Variants in PAPOLG observed in about 807,000 individuals in gnomAD.
PAPOLG encodes poly(A) polymerase gamma, also known as PAP-gamma.
A neutral mutation model predicts 99.0 loss-of-function variants in PAPOLG; 40 were observed. That is an observed-to-expected ratio of 0.40 (90% CI 0.31 to 0.53). The LOEUF (loss-of-function observed/expected upper bound fraction) is 0.53, where lower values mean the gene tolerates loss of function less well. Among genes scored for constraint, PAPOLG ranks in the 20% least tolerant of loss-of-function variants. The pLI, the probability that PAPOLG is intolerant of heterozygous loss-of-function variation, is 0.41. For synonymous variants in PAPOLG, 310 were observed against 299.3 expected, an observed-to-expected ratio of 1.04 and a Z score of -0.37; for missense variants, 675 against 884.1, an observed-to-expected ratio of 0.76 and a Z score of 3.00.
At position 60,780,751 on chromosome 2, in the gene PAPOLG, A is replaced by G; in HGVS notation, c.878A>G (p.Asn293Ser). 1 of 1,614,052 alleles carries G rather than the reference A, an allele frequency of 6.2e-7. No individual in the cohort carries two copies. Among genetic ancestry groups the G allele is most frequent in the Non-Finnish European group, 8.5e-7 (1 of 1,179,898 alleles). The change falls in exon 10 of 22, where the codon AAT (asparagine) becomes AGT (serine). Residue 293 changes from asparagine to serine, a missense_variant. By Grantham distance (46) the Asn-to-Ser change is conservative. Transcript: ENST00000238714. Reference sequence around the variant, plus strand: ...CTGCTGAAGCAACCAGAAGAAAGCAATTTGAATTTGCCTGTCTGGGATCCT... The same window carrying G: ...CTGCTGAAGCAACCAGAAGAAAGCAGTTTGAATTTGCCTGTCTGGGATCCT... ...PVLLKQPEES[N>S]LNLPVWDPRV...
At chr2:60,777,268 C>G (rs558368325) in intron 8 of PAPOLG, among the ~76,000 whole-genome samples, 6 of 152,154 alleles carry the variant, frequency 3.9e-5, no homozygotes, top group African/African-American at 1.2e-4. Flanking sequence ...TCAGCCTGAC[C>G]AACATAGTGA....
At chr2:60,791,100 A>G (rs1671517983) in intron 15 of PAPOLG, among the ~76,000 whole-genome samples, 1 of 152,058 alleles carries the variant, frequency 6.6e-6, no homozygotes, top group Non-Finnish European at 1.5e-5. Flanking sequence ...AAAAAAAAAA[A>G]GAATTAGCTT....
chr2:60,794,684 A>G, intron 19 of PAPOLG, 26 bp from the exon 20 acceptor site: 7 of 1,591,416 alleles, frequency 4.4e-6, no homozygotes, highest in Non-Finnish European at 6.0e-6. Context: ...ACATAATAGC[A>G]ATCTATTTCA....
rs923142252 is a variant in PAPOLG, at chr2:60,799,957, A to G, written c.*2797A>G. On this transcript the variant is annotated 3_prime_UTR_variant, in exon 22 of 22. Coordinates refer to ENST00000238714, the MANE Select transcript of PAPOLG (RefSeq NM_022894.4). ...TTTTCAAGTGTGAAAAAATACCTAG[A>G]AGTATATTTTATGAAGTCAAATAAT... 2.0e-5 allele frequency: 3 copies of G among 152,226 alleles called. No individual in the cohort carries two copies. The highest frequency in any genetic ancestry group is 2.9e-5 in the Non-Finnish European group (2 of 68,010). The allele number at this position is 152,226 out of a possible 1,614,324, so 9.4% of individuals were successfully genotyped here. A position where few individuals can be genotyped will look rare whatever the true frequency, so the allele number is the denominator to read the frequency against.
intron 8 of PAPOLG, among the ~76,000 whole-genome samples, chr2:60,777,600 G>T (rs986611081): frequency 6.6e-6 from 1 of 152,178 alleles, no homozygotes; most frequent in Non-Finnish European, 1.5e-5. Context: ...GGCACAAGGG[G>T]CATAGCTTTC....
In PAPOLG at chr2:60,793,621, C is replaced by A. The variant is rs763179625; in HGVS notation, c.1680-6C>A. 2 of 1,612,716 alleles carry A rather than the reference C, an allele frequency of 1.2e-6. No homozygotes were observed. Among genetic ancestry groups the A allele is most frequent in the African/African-American group, 1.3e-5 (1 of 74,862 alleles). On this transcript the variant is annotated splice_polypyrimidine_tract_variant and splice_region_variant and intron_variant, in intron 17 of 21. Coordinates refer to ENST00000238714, the MANE Select transcript of PAPOLG (RefSeq NM_022894.4). ...TTTATTGATGATAATTTAACACTTT[C>A]ATTAGGAATAGTGCTGAGCCTGCTG...
At chr2:60,768,604 A>G (rs927953575) in intron 4 of PAPOLG, 53 bp downstream of exon 4, 3 of 1,452,422 alleles carry the variant, frequency 2.1e-6, no homozygotes, top group African/African-American at 2.9e-5. Context: ...CAAACTCTTC[A>G]TAATTAGAAA....
rs79657836 is a variant in PAPOLG at position 60,756,717 on chromosome 2, T to A, written c.17+222T>A. Among the ~76,000 whole-genome samples the A allele has an allele frequency of 8.7e-4, 132 of 152,210 alleles. 1 individual carries two copies. In the East Asian group the frequency reaches 0.021, roughly 25 times the overall value. ...CTCGGGGACTCCGGGAGTCCCCAGCTGTCCCGCCTCCGAGGACGCCCTCAG... is the reference window on the plus strand; with the variant it reads ...CTCGGGGACTCCGGGAGTCCCCAGCAGTCCCGCCTCCGAGGACGCCCTCAG... On this transcript the variant is annotated intron_variant, in intron 1 of 21. Coordinates refer to ENST00000238714, the MANE Select transcript of PAPOLG (RefSeq NM_022894.4).
chr2:60,794,661 G>T, intron 19 of PAPOLG, 49 bp from the exon 20 acceptor site: 1 of 1,480,146 alleles, frequency 6.8e-7, no homozygotes, highest in Non-Finnish European at 9.4e-7. Flanking sequence ...GATTTATATG[G>T]GTTTTTGTAG....
intron 1 of PAPOLG, among the ~76,000 whole-genome samples, chr2:60,757,944 G>A (rs1298547977): frequency 6.6e-6 from 1 of 152,172 alleles, no homozygotes; most frequent in African/African-American, 2.4e-5. Flanking sequence ...AGTGAGGCCC[G>A]TCATCATGGT....
At chr2:60,758,693 T>G (rs1489313873) in intron 1 of PAPOLG, among the ~76,000 whole-genome samples, 1 of 152,084 alleles carries the variant, frequency 6.6e-6, no homozygotes, top group Non-Finnish European at 1.5e-5. Context: ...CCTCCCAGAG[T>G]ACTGGGATTA....
intron 1 of PAPOLG, among the ~76,000 whole-genome samples, chr2:60,759,373 A>G (rs530398657): frequency 1.2e-4 from 18 of 152,112 alleles, no homozygotes; most frequent in African/African-American, 4.1e-4. Flanking sequence ...ATCTCAAAAA[A>G]AAAAAGAAAA....
At chr2:60,794,361 A>G (rs1573259739) in intron 19 of PAPOLG, 170 bp downstream of exon 19, 1 of 716,264 alleles carries the variant, frequency 1.4e-6, no homozygotes, top group East Asian at 2.8e-5. Flanking sequence ...GAAATTACTA[A>G]TACGTCTGAA....
rs147765225 is a variant in PAPOLG, at chr2:60,794,089, G to T, written c.1887G>T (p.Pro629=). Residue 629 remains proline (P), a synonymous_variant, in exon 19 of 22, where the codon CCG becomes CCT. Coordinates refer to ENST00000238714, the MANE Select transcript of PAPOLG (RefSeq NM_022894.4). Reference sequence around the variant, plus strand: ...CTCACAACCCTGCCCAGGGACAACCGCATCTGAATGGAATGTCAAATATAA... The same window carrying T: ...CTCACAACCCTGCCCAGGGACAACCTCATCTGAATGGAATGTCAAATATAA... The part of the protein sequence containing the change: ...TTPHNPAQGQ[P]HLNGMSNITK... The T allele has an allele frequency of 6.9e-3, 11,101 of 1,614,030 alleles. 53 individuals are homozygous for T. Among genetic ancestry groups the T allele is most frequent in the Non-Finnish European group, 8.0e-3 (9,471 of 1,179,962 alleles).
At chr2:60,777,757 T>C (rs1664298740) in intron 8 of PAPOLG, among the ~76,000 whole-genome samples, 1 of 152,176 alleles carries the variant, frequency 6.6e-6, no homozygotes, top group Admixed American at 6.5e-5. Flanking sequence ...TAAGTATTGT[T>C]GTGTCTCCAG....
chr2:60,775,886 A>G (rs560537952), intron 8 of PAPOLG, among the ~76,000 whole-genome samples: 96 of 151,500 alleles, frequency 6.3e-4, no homozygotes, highest in Non-Finnish European at 1.1e-3. Flanking sequence ...GCCTCAGCCT[A>G]CCAAGTAGCT....
chr2:60,781,348 C>A (rs1449587142), intron 10 of PAPOLG, among the ~76,000 whole-genome samples: 1 of 146,036 alleles, frequency 6.8e-6, no homozygotes, highest in Non-Finnish European at 1.5e-5. Context: ...CGAGTTGAGA[C>A]TTCGTCTCAA....
Position 60,756,305 on chromosome 2 carries a change from C to A in PAPOLG, c.-174C>A. On this transcript the variant is annotated 5_prime_UTR_variant, in exon 1 of 22. Coordinates refer to ENST00000238714, the MANE Select transcript of PAPOLG (RefSeq NM_022894.4). ...CGCGCTGTATTGTCATAAATAGAGC[C>A]GGTTTTGTGGTGTTTTCACTACTCG... 1.3e-6 allele frequency: 1 copy of A among 751,708 alleles called. No homozygotes were observed. The highest frequency in any genetic ancestry group is 2.3e-6 in the Non-Finnish European group (1 of 434,354). 46.6% of individuals were successfully genotyped at this position (751,708 alleles called of 1,614,324 possible). A position where few individuals can be genotyped will look rare whatever the true frequency, so the allele number is the denominator to read the frequency against.
chr2:60,792,348 T>C (rs1307898023), intron 17 of PAPOLG, 59 bp downstream of exon 17: 2 of 1,463,238 alleles, frequency 1.4e-6, no homozygotes, highest in Non-Finnish European at 1.9e-6. Flanking sequence ...TTGAGGATAA[T>C]GTGAACTTTT....
Sources: allele counts gnomAD v4.1 joint callset (sites outside exome capture counted in the v4.1 genomes callset), GRCh38; gene constraint gnomAD v4.1.1; transcripts MANE v1.5; gene names NCBI Gene and HGNC (gene_info 2026-07-23, HGNC 2026-07-21).